The following PC variants were observed in gnomAD, a reference collection of about 807,000 sequenced individuals.
PC encodes pyruvate carboxylase, mitochondrial.
Under a neutral mutation model 107.8 loss-of-function variants are expected in PC, and 46 were observed. The ratio of observed to expected loss-of-function variants is 0.43; its 90% confidence interval spans 0.34 to 0.55. The LOEUF is 0.55. Ranked by LOEUF, PC falls within the 20% of genes least tolerant of loss-of-function variation. The probability of loss-of-function intolerance (pLI) is 0.04; values close to 1 mark genes in which losing one functional copy is unlikely to be tolerated. For missense variants in PC, 1,241 were observed against 1,643.1 expected (o/e 0.76, Z 4.23); for synonymous variants, 662 against 684.7 (o/e 0.97, Z 0.52).
intron 3 of PC, among the ~76,000 whole-genome samples, chr11:66,928,364 C>T (rs1032964334): frequency 1.5e-5 from 2 of 135,278 alleles, no homozygotes; most frequent in Non-Finnish European, 3.1e-5. Context: ...CCAGCCTGGG[C>T]GACAGAGTGA....
intron 3 of PC, among the ~76,000 whole-genome samples, chr11:66,873,565 T>C (rs1169439235): frequency 9.0e-6 from 1 of 110,900 alleles, no homozygotes; most frequent in African/African-American, 3.5e-5. Flanking sequence ...TATTATATAA[T>C]ATTATATATA....
At chr11:66,869,842 A>T (rs1946650563) in intron 9 of PC, among the ~76,000 whole-genome samples, 1 of 152,212 alleles carries the variant, frequency 6.6e-6, no homozygotes, top group Non-Finnish European at 1.5e-5. Context: ...GAGGTCCCAG[A>T]AAAGCAGAGA....
intron 3 of PC, among the ~76,000 whole-genome samples, chr11:66,890,615 C>T (rs967673442): frequency 5.9e-5 from 9 of 151,656 alleles, no homozygotes; most frequent in African/African-American, 2.2e-4. Flanking sequence ...ATTCTCCTGC[C>T]TCAGCCTCCC....
At chr11:66,873,424 TTATATA>T in intron 3 of PC, among the ~76,000 whole-genome samples, 1 of 84,158 alleles carries the variant, frequency 1.2e-5, no homozygotes, top group South Asian at 2.5e-4. Context: ...ATATAATATA[TTATATA>T]TATTATATAT....
intron 3 of PC, among the ~76,000 whole-genome samples, chr11:66,888,133 C>T (rs1241356867): frequency 6.6e-6 from 1 of 152,234 alleles, no homozygotes; most frequent in African/African-American, 2.4e-5. Flanking sequence ...CTTCTTCCTT[C>T]TAAGGTAACA....
chr11:66,922,657 G>C (rs1207956074), intron 3 of PC, among the ~76,000 whole-genome samples: 1 of 151,074 alleles, frequency 6.6e-6, no homozygotes, highest in Non-Finnish European at 1.5e-5. Context: ...ATAAGTACCT[G>C]GTCTTCCTCC....
At chr11:66,886,635 C>T (rs1030301424) in intron 3 of PC, among the ~76,000 whole-genome samples, 19 of 152,262 alleles carry the variant, frequency 1.2e-4, no homozygotes, top group Admixed American at 6.5e-5. Flanking sequence ...GCATCAACAG[C>T]ACCCATTAGA....
In PC at chr11:66,858,683, C is replaced by T. The variant is rs1485836865; in HGVS notation, c.1368+5091G>A. The T allele has an allele frequency of 4.5e-6, 7 of 1,546,888 alleles. No individual in the cohort carries two copies. The highest frequency in any genetic ancestry group is 6.1e-6 in the Non-Finnish European group (7 of 1,144,370). The stretch of plus-strand genomic sequence containing the variant: ...TGGGTGACCCCGCGCCTACCATGCA[C>T]TGGGTCGGTCCTGACGACCGGTTGG... On this transcript the variant is annotated intron_variant, in intron 12 of 22. Transcript: ENST00000393960. This position sits in a 1 kb window ranked among gnomAD's most constrained non-coding sequence, Gnocchi z 5.9.
chr11:66,858,980 G>A lies in PC; in HGVS notation c.1368+4794C>T, dbSNP rs769166809. 2.6e-5 allele frequency: 40 copies of A among 1,565,300 alleles called. No homozygotes were observed. Among genetic ancestry groups the A allele is most frequent in the Non-Finnish European group, 3.1e-5 (36 of 1,151,960 alleles). ...AGTCTGAGCCAGCCGTGCAGGTGAC[G>A]GAGGTGACCGCCACCTCAGGGCTGG... On this transcript the variant is annotated intron_variant, in intron 12 of 22. Transcript: ENST00000393960. The surrounding 1 kb of genome is among the most constrained non-coding windows in gnomAD (Gnocchi z 5.9).
At chr11:66,926,108 G>A (rs966281876) in intron 3 of PC, among the ~76,000 whole-genome samples, 5 of 152,160 alleles carry the variant, frequency 3.3e-5, no homozygotes, top group African/African-American at 9.7e-5. Flanking sequence ...GGAGGACTGT[G>A]ATAAAGGCCA....
intron 3 of PC, among the ~76,000 whole-genome samples, chr11:66,923,546 C>T (rs1438791444): frequency 2.6e-5 from 4 of 151,792 alleles, no homozygotes; most frequent in African/African-American, 4.8e-5. Context: ...AGTTTTGCTC[C>T]GTCGCCCAGG....
chr11:66,853,527 C>T (rs1030642632), intron 12 of PC, 144 bp from the exon 13 acceptor site: 26 of 940,166 alleles, frequency 2.8e-5, no homozygotes, highest in East Asian at 1.9e-4. Context: ...GGCACTTCCC[C>T]GTCCCTCAGC....
rs111858832 is a variant in PC at position 66,866,363 on chromosome 11, G to T, written c.1023-14C>A. On this transcript the variant is annotated splice_polypyrimidine_tract_variant and intron_variant, in intron 10 of 22. Coordinates refer to ENST00000393960, the MANE Select transcript of PC (RefSeq NM_001040716.2). The surrounding 1 kb of genome is among the most constrained non-coding windows in gnomAD (Gnocchi z 5.4). The stretch of plus-strand genomic sequence containing the variant: ...ACCAGGTCTACGCTGTAGGGCATTG[G>T]GGGGAGGGGGGAAAGGACGGGAGAA... 1.5e-4 allele frequency: 248 copies of T among 1,603,522 alleles called. No homozygotes were observed. The highest frequency in any genetic ancestry group is 1.9e-4 in the Non-Finnish European group (219 of 1,172,808).
rs751861809 is a variant in PC at position 66,848,856 on chromosome 11, G to C, written c.*43C>G. The C allele has an allele frequency of 6.2e-7, 1 of 1,612,692 alleles. No homozygotes were observed. Among genetic ancestry groups the C allele is most frequent in the South Asian group, 1.1e-5 (1 of 90,986 alleles). ...GGCCTGCCGTGGCAGCACAGCTTCT[G>C]TTGAAGGCTTGGGGATGGCCAGGCT... On this transcript the variant is annotated 3_prime_UTR_variant, in exon 23 of 23. Coordinates refer to ENST00000393960, the MANE Select transcript of PC (RefSeq NM_001040716.2).
In PC at chr11:66,868,855, T is replaced by C; in HGVS notation, c.1013A>G (p.Glu338Gly). 6.2e-7 allele frequency: 1 copy of C among 1,612,226 alleles called. No homozygotes were observed. Among genetic ancestry groups the C allele is most frequent in the Non-Finnish European group, 8.5e-7 (1 of 1,178,614 alleles). The stretch of plus-strand genomic sequence containing the variant: ...GCCCGCCCACACTCACTCGGTGATC[T>C]CCTCTGTGACCGTGTGCTCCACCTG... ...RLQVEHTVTEEITDVDLVHAQ... is the reference protein window; with the variant it reads ...RLQVEHTVTEGITDVDLVHAQ... The change falls in exon 10 of 23, where the codon GAG (glutamate) becomes GGG (glycine). Residue 338 changes from glutamate (E) to glycine (G), a missense_variant. Coordinates refer to ENST00000393960, the MANE Select transcript of PC (RefSeq NM_001040716.2).
chr11:66,851,719 G>A, intron 16 of PC, 71 bp downstream of exon 16: 2 of 1,479,962 alleles, frequency 1.4e-6, no homozygotes. Flanking sequence ...GAGAACAGAG[G>A]CCATCACGAC....
At chr11:66,953,183 C>T (rs754733093) in intron 2 of PC, among the ~76,000 whole-genome samples, 4 of 152,172 alleles carry the variant, frequency 2.6e-5, no homozygotes, top group African/African-American at 2.4e-5. Flanking sequence ...AGAAACAGTT[C>T]GTTTTATCTG....
intron 1 of PC, among the ~76,000 whole-genome samples, chr11:66,954,846 G>A (rs1369754778): frequency 6.6e-6 from 1 of 152,170 alleles, no homozygotes; most frequent in Non-Finnish European, 1.5e-5. Flanking sequence ...AGGAGGCTGA[G>A]GCAGGAGAAT....
intron 16 of PC, 99 bp downstream of exon 16, chr11:66,851,691 G>T: frequency 2.4e-6 from 3 of 1,254,780 alleles, no homozygotes; most frequent in Non-Finnish European, 3.5e-6. Flanking sequence ...AGAGAGACTT[G>T]GTGTCAGGCT....
Sources: gnomAD v4.1 joint callset for allele counts (sites outside exome capture counted in the v4.1 genomes callset) on GRCh38, gnomAD v4.1.1 for gene constraint, Gnocchi (gnomAD v3.1) non-coding constraint, MANE v1.5 for transcripts, NCBI Gene and HGNC (gene_info 2026-07-23, HGNC 2026-07-21) for gene names.